Variants in ADAMTS9 observed in about 807,000 individuals in gnomAD.
ADAMTS9 encodes A disintegrin and metalloproteinase with thrombospondin motifs 9.
In ADAMTS9, 107 loss-of-function variants were observed where a neutral mutation model predicts 257.1. The observed-to-expected ratio is 0.42, with a 90% CI of 0.36 to 0.49. The LOEUF (loss-of-function observed/expected upper bound fraction) is 0.49, where lower values mean the gene tolerates loss of function less well. Ranked by LOEUF, ADAMTS9 falls within the 20% of genes least tolerant of loss-of-function variation. The pLI is 0.03. For synonymous variants in ADAMTS9, 982 were observed against 880.9 expected, an observed-to-expected ratio of 1.11 and a Z score of -2.03; for missense variants, 2,353 against 2,469.1, an observed-to-expected ratio of 0.95 and a Z score of 1.00.
chr3:64,676,414 A>G (rs1218724837), intron 3 of ADAMTS9, among the ~76,000 whole-genome samples: 1 of 152,200 alleles, frequency 6.6e-6, no homozygotes, highest in African/African-American at 2.4e-5. Flanking sequence ...GTTCAAAAGT[A>G]AAGACTGCCT....
At chr3:64,624,134 G>A (rs980422418) in intron 16 of ADAMTS9, among the ~76,000 whole-genome samples, 5 of 151,754 alleles carry the variant, frequency 3.3e-5, no homozygotes, top group Non-Finnish European at 7.4e-5. Flanking sequence ...AATACATTCT[G>A]GAGATCTAGT....
chr3:64,620,592 C>T (rs1700080467), intron 19 of ADAMTS9, among the ~76,000 whole-genome samples: 1 of 152,180 alleles, frequency 6.6e-6, no homozygotes, highest in Non-Finnish European at 1.5e-5. Context: ...GGATTTTACA[C>T]TTTTCTTAAA....
At chr3:64,658,475 A>T in intron 4 of ADAMTS9, 27 bp downstream of exon 4, 1 of 1,595,544 alleles carries the variant, frequency 6.3e-7, no homozygotes, top group Non-Finnish European at 8.5e-7. Context: ...GAGACCTCAT[A>T]AATCACCTTC....
intron 2 of ADAMTS9, among the ~76,000 whole-genome samples, chr3:64,681,846 ATC>A (rs1301686453): frequency 6.6e-6 from 1 of 152,140 alleles, no homozygotes; most frequent in East Asian, 1.9e-4. Flanking sequence ...TGCTATCCAA[ATC>A]TGTCTCTAAG....
chr3:64,531,532 A>G (rs921883492), intron 38 of ADAMTS9, among the ~76,000 whole-genome samples: 1 of 151,376 alleles, frequency 6.6e-6, no homozygotes, highest in African/African-American at 2.4e-5. Context: ...CAGTCGCGCA[A>G]TCATGGCTCA....
At position 64,522,200 on chromosome 3, in the gene ADAMTS9, C is replaced by A. The variant is rs2082862251; in HGVS notation, c.5779G>T (p.Gly1927Cys). The A allele has an allele frequency of 1.2e-6, 2 of 1,613,912 alleles. No individual in the cohort carries two copies. Among genetic ancestry groups the A allele is most frequent in the African/African-American group, 2.7e-5 (2 of 74,914 alleles). Reference protein sequence around the residue: ...GYCGKCTPSSGTGLEVRVL With the variant: ...GYCGKCTPSSCTGLEVRVL ...AAAACTCGCACCTCCAGGCCAGTAC[C>A]AGAGGATGGAGTGCATTTTCCACAG... is the stretch of plus-strand genomic sequence containing the variant. Residue 1927 changes from glycine (G) to cysteine (C), a missense_variant, in exon 39 of 40, where the codon GGT (glycine) becomes TGT (cysteine). Physicochemically the swap from Gly to Cys is radical, Grantham distance 159. This residue lies in a region of ADAMTS9 where 1,402 missense variants were observed against 1,441.4 expected (regional missense o/e 0.97). Coordinates refer to ENST00000498707, the MANE Select transcript of ADAMTS9 (RefSeq NM_182920.2).
At chr3:64,585,402 A>T (rs2084121749) in intron 28 of ADAMTS9, among the ~76,000 whole-genome samples, 1 of 152,172 alleles carries the variant, frequency 6.6e-6, no homozygotes, top group African/African-American at 2.4e-5. Flanking sequence ...ACAGGGTTCA[A>T]GGTGGTTGAC....
At chr3:64,562,942 G>T (rs896308737) in intron 29 of ADAMTS9, 1 of 152,206 alleles carries the variant, frequency 6.6e-6, no homozygotes, top group African/African-American at 2.4e-5. Context: ...GGTAACTTGA[G>T]AAATCATACT....
At chr3:64,675,574 G>A (rs548661095) in intron 3 of ADAMTS9, among the ~76,000 whole-genome samples, 19 of 152,156 alleles carry the variant, frequency 1.2e-4, no homozygotes, top group South Asian at 4.2e-4. Context: ...AGCTATGATC[G>A]CGCCACTGCA....
At chr3:64,568,299 T>C in intron 29 of ADAMTS9, 69 bp downstream of exon 29, 5 of 1,527,028 alleles carry the variant, frequency 3.3e-6, no homozygotes, top group Non-Finnish European at 4.4e-6. Context: ...GAAACACAAG[T>C]GAACACACTG....
chr3:64,649,145 G>A (rs1052352884), intron 10 of ADAMTS9, among the ~76,000 whole-genome samples: 1 of 152,102 alleles, frequency 6.6e-6, no homozygotes, highest in African/African-American at 2.4e-5. Context: ...CCCAGCTGAG[G>A]CCCCACCAGA....
chr3:64,656,910 G>T (rs1371378701), intron 4 of ADAMTS9, among the ~76,000 whole-genome samples: 1 of 151,138 alleles, frequency 6.6e-6, no homozygotes, highest in African/African-American at 2.4e-5. Context: ...CATTCATCTG[G>T]GGGATTTATT....
intron 3 of ADAMTS9, among the ~76,000 whole-genome samples, chr3:64,672,355 C>T (rs1283908706): frequency 6.6e-6 from 1 of 152,202 alleles, no homozygotes; most frequent in Non-Finnish European, 1.5e-5. Flanking sequence ...GCAGGCAGCT[C>T]TTCTGGCTGT....
chr3:64,591,124 A>G (rs1275410640), intron 28 of ADAMTS9, among the ~76,000 whole-genome samples: 1 of 152,136 alleles, frequency 6.6e-6, no homozygotes, highest in African/African-American at 2.4e-5. Context: ...GCAGGAGTCA[A>G]CTGAAAGGCA....
chr3:64,642,497 T>C (rs1700674335), intron 11 of ADAMTS9, among the ~76,000 whole-genome samples: 1 of 151,052 alleles, frequency 6.6e-6, no homozygotes, highest in South Asian at 2.1e-4. Flanking sequence ...CAGGAAAGCG[T>C]CAGGATGAGA....
At chr3:64,537,232 C>T (rs1559752023) in intron 37 of ADAMTS9, among the ~76,000 whole-genome samples, 1 of 152,136 alleles carries the variant, frequency 6.6e-6, no homozygotes, top group Non-Finnish European at 1.5e-5. Context: ...TTTAGCAAAT[C>T]AATCAGTTCA....
chr3:64,612,815 A>AC (rs1194423846), intron 22 of ADAMTS9, among the ~76,000 whole-genome samples: 2 of 152,192 alleles, frequency 1.3e-5, no homozygotes, highest in Admixed American at 1.3e-4. Context: ...TGTGGAACCT[A>AC]CAGACTAGAG....
intron 11 of ADAMTS9, among the ~76,000 whole-genome samples, chr3:64,646,394 T>C (rs1292352151): frequency 6.6e-6 from 1 of 152,180 alleles, no homozygotes; most frequent in Non-Finnish European, 1.5e-5. Flanking sequence ...TTGACCAAAA[T>C]ATGATTTTGT....
Position 64,561,604 on chromosome 3 carries a change from T to C in ADAMTS9, c.4672A>G (p.Thr1558Ala). 1 of 1,613,668 alleles carries C rather than the reference T, an allele frequency of 6.2e-7. No individual in the cohort carries two copies. Among genetic ancestry groups the C allele is most frequent in the Non-Finnish European group, 8.5e-7 (1 of 1,179,868 alleles). The change falls in exon 30 of 40, where the codon ACT (threonine) becomes GCT (alanine). Residue 1558 changes from threonine to alanine, a missense_variant. Transcript: ENST00000498707. ...TCTTGCCATTCCTCTGCCCTCCAAGTGTAGAGGGGACACCGTGGGCCTTGG... is the reference window on the plus strand; with the variant it reads ...TCTTGCCATTCCTCTGCCCTCCAAGCGTAGAGGGGACACCGTGGGCCTTGG... ...DCQGPRCPLY[T>A]WRAEEWQECT...
Sources: allele counts gnomAD v4.1 joint callset (sites outside exome capture counted in the v4.1 genomes callset), GRCh38; gene constraint gnomAD v4.1.1; regional missense constraint gnomAD v4.1.1; transcripts MANE v1.5; gene names NCBI Gene and HGNC (gene_info 2026-07-23, HGNC 2026-07-21).